GOLT1B: variants seen among roughly 807,000 people sequenced by gnomAD.
GOLT1B encodes vesicle transport protein GOT1B.
In GOLT1B, 3 loss-of-function variants were observed where a neutral mutation model predicts 15.4. The ratio of observed to expected loss-of-function variants is 0.19; its 90% CI spans 0.09 to 0.50. The LOEUF (loss-of-function observed/expected upper bound fraction) is 0.50, where lower values mean the gene tolerates loss of function less well. Ranked by LOEUF, GOLT1B falls within the 20% of genes least tolerant of loss-of-function variation. GOLT1B has a pLI of 0.97. For missense variants in GOLT1B, 145 were observed against 160.4 expected, an observed-to-expected ratio of 0.90 and a Z score of 0.52; for synonymous variants, 65 against 56.2, an observed-to-expected ratio of 1.16 and a Z score of -0.70.
Position 21,506,414 on chromosome 12 carries a change from A to G in GOLT1B, c.26-471A>G, listed in dbSNP as rs918150705. Among the ~76,000 whole-genome samples the G allele has an allele frequency of 5.9e-5, 9 of 152,040 alleles. No individual in the cohort carries two copies. In the South Asian group the frequency reaches 8.3e-4, roughly 14 times the overall value. The stretch of plus-strand genomic sequence containing the variant: ...AGGATATTGATTGTGCGGACCTACC[A>G]TAACATTTCTAATGCAGTAAAGAAG... On this transcript the variant is annotated intron_variant, in intron 1 of 4. Coordinates refer to ENST00000229314, the MANE Select transcript of GOLT1B (RefSeq NM_016072.5).
chr12:21,501,878 C>T lies in GOLT1B; in HGVS notation c.-46C>T, dbSNP rs376078240. Reference sequence around the variant, plus strand: ...ATTTCTCCCGACTCAGCTTCCCACCCTGGGCTTTCCGAGGTGCTGTCGCCG... The same window carrying T: ...ATTTCTCCCGACTCAGCTTCCCACCTTGGGCTTTCCGAGGTGCTGTCGCCG... On this transcript the variant is annotated 5_prime_UTR_variant, in exon 1 of 5. Transcript: ENST00000229314. 9 of 1,454,782 alleles carry T rather than the reference C, an allele frequency of 6.2e-6. No homozygotes were observed. Among genetic ancestry groups the T allele is most frequent in the Admixed American group, 3.4e-5 (2 of 59,374 alleles). 90.1% of individuals were successfully genotyped at this position (1,454,782 alleles called of 1,614,324 possible).
intron 1 of GOLT1B, among the ~76,000 whole-genome samples, chr12:21,506,649 G>T (rs370290936): frequency 6.4e-4 from 97 of 152,062 alleles, no homozygotes; most frequent in African/African-American, 2.3e-3. Context: ...TCTGAGAAAT[G>T]CTATCTCCCA....
rs569765543 is a variant in GOLT1B, at chr12:21,501,999, C to T, written c.25+51C>T. ...CCTCGAGCCGCGCACACCCATCGCCCGGCTGGGTCTCGCCCCTCCGCCGGG... is the reference window on the plus strand; with the variant it reads ...CCTCGAGCCGCGCACACCCATCGCCTGGCTGGGTCTCGCCCCTCCGCCGGG... On this transcript the variant is annotated intron_variant, in intron 1 of 4. Coordinates refer to ENST00000229314, the MANE Select transcript of GOLT1B (RefSeq NM_016072.5). 9.5e-6 allele frequency: 13 copies of T among 1,373,992 alleles called. No individual in the cohort carries two copies. The Admixed American group carries it at 1.3e-4, about 14-fold the overall frequency. The allele number at this position is 1,373,992 out of a possible 1,614,324, so 85.1% of individuals were successfully genotyped here. A position where few individuals can be genotyped will look rare whatever the true frequency, so the allele number is the denominator to read the frequency against.
chr12:21,502,783 C>T (rs1943645290), intron 1 of GOLT1B, among the ~76,000 whole-genome samples: 1 of 152,120 alleles, frequency 6.6e-6, no homozygotes, highest in South Asian at 2.1e-4. Flanking sequence ...TGCCCAAGCT[C>T]TGTACCTCAT....
chr12:21,517,876 GTTTC>G lies in GOLT1B; in HGVS notation c.*2178_*2181del, dbSNP rs1565584219. On this transcript the variant is annotated 3_prime_UTR_variant, in exon 5 of 5. Transcript: ENST00000229314. ...GATAGAAAGCACTATACATCCTATT[GTTTC>G]TTTCTTTCCAAAATCAGCCTTCTGT... 1.0e-4 allele frequency: 16 copies of G among 152,522 alleles called. No homozygotes were observed. The South Asian group carries it at 3.1e-3, about 30-fold the overall frequency. 9.4% of individuals were successfully genotyped at this position (152,522 alleles called of 1,614,324 possible).
intron 1 of GOLT1B, chr12:21,504,689 C>T: frequency 2.2e-6 from 1 of 458,450 alleles, no homozygotes; most frequent in Non-Finnish European, 4.4e-6. Context: ...ACATATGAAC[C>T]ATAGGACCAG....
rs1943747974 is a variant in GOLT1B, at chr12:21,515,293, GT to G, written c.379-374del. The G allele has an allele frequency of 4.1e-6, 5 of 1,219,838 alleles. No homozygotes were observed. In the East Asian group the frequency reaches 1.3e-4, roughly 31 times the overall value. The allele number at this position is 1,219,838 out of a possible 1,614,324, so 75.6% of individuals were successfully genotyped here. On this transcript the variant is annotated intron_variant, in intron 4 of 4. Transcript: ENST00000229314. ...ATGGTCAGTTGAAATATCTTATTGG[GT>G]TCATTAATGCATGAATGGCTGACAT...
At chr12:21,508,358 G>A (rs768853899) in intron 2 of GOLT1B, 25 bp from the exon 3 acceptor site, 19 of 1,401,370 alleles carry the variant, frequency 1.4e-5, no homozygotes, top group African/African-American at 4.4e-5. Flanking sequence ...TACCTTTTCC[G>A]TGTTGTATTT....
chr12:21,515,309 A>C, intron 4 of GOLT1B: 2 of 999,950 alleles, frequency 2.0e-6, no homozygotes, highest in Non-Finnish European at 1.5e-6. Flanking sequence ...TAATGCATGA[A>C]TGGCTGACAT....
At position 21,517,745 on chromosome 12, in the gene GOLT1B, A is replaced by G. The variant is rs1470376430; in HGVS notation, c.*2038A>G. ...AGGCTGGAGCAGTTTTCAGTTTTAA[A>G]TGAGTCTGCAGTTAATATCAAATGT... On this transcript the variant is annotated 3_prime_UTR_variant, in exon 5 of 5. Transcript: ENST00000229314. 1 of 152,390 alleles carries G rather than the reference A, an allele frequency of 6.6e-6. No individual in the cohort carries two copies. Among genetic ancestry groups the G allele is most frequent in the Non-Finnish European group, 1.5e-5 (1 of 67,952 alleles). The allele number at this position is 152,390 out of a possible 1,614,324, so 9.4% of individuals were successfully genotyped here.
chr12:21,508,523 C>T lies in GOLT1B; in HGVS notation c.258C>T (p.Gly86=). Residue 86 remains glycine (G), a synonymous_variant, in exon 3 of 5, where the codon GGC becomes GGT. Coordinates refer to ENST00000229314, the MANE Select transcript of GOLT1B (RefSeq NM_016072.5). ...TCCTTATTGGTTGGCCTTTGATAGG[C>T]ATGATCTTCGAAATTTATGGATTTT... The part of the protein sequence containing the change: ...FVVLIGWPLI[G]MIFEIYGFFL... The T allele has an allele frequency of 6.3e-7, 1 of 1,585,134 alleles. No homozygotes were observed. Among genetic ancestry groups the T allele is most frequent in the Non-Finnish European group, 8.6e-7 (1 of 1,156,512 alleles).
Position 21,508,522 on chromosome 12 carries a change from G to A in GOLT1B, c.257G>A (p.Gly86Asp). Reference protein sequence around the residue: ...FVVLIGWPLIGMIFEIYGFFL... With the variant: ...FVVLIGWPLIDMIFEIYGFFL... ...GTCCTTATTGGTTGGCCTTTGATAG[G>A]CATGATCTTCGAAATTTATGGATTT... The change falls in exon 3 of 5, where the codon GGC becomes GAC. Residue 86 changes from glycine to aspartate, a missense_variant. Coordinates refer to ENST00000229314, the MANE Select transcript of GOLT1B (RefSeq NM_016072.5). 6.3e-7 allele frequency: 1 copy of A among 1,586,558 alleles called. No homozygotes were observed. Among genetic ancestry groups the A allele is most frequent in the Non-Finnish European group, 8.6e-7 (1 of 1,158,098 alleles).
At position 21,516,627 on chromosome 12, in the gene GOLT1B, G is replaced by T. The variant is rs1289944915; in HGVS notation, c.*920G>T. On this transcript the variant is annotated 3_prime_UTR_variant, in exon 5 of 5. Transcript: ENST00000229314. The stretch of plus-strand genomic sequence containing the variant: ...TTCTTTTTTTTAAATTTTAGCAGTG[G>T]CTTATTATTTGTTTTTCATAAATTA... 2 of 151,478 alleles carry T rather than the reference G, an allele frequency of 1.3e-5. No individual in the cohort carries two copies. The highest frequency in any genetic ancestry group is 2.9e-5 in the Non-Finnish European group (2 of 67,802). 9.4% of individuals were successfully genotyped at this position (151,478 alleles called of 1,614,324 possible).
chr12:21,508,334 G>A (rs1943693973), intron 2 of GOLT1B, 49 bp from the exon 3 acceptor site: 5 of 1,060,374 alleles, frequency 4.7e-6, no homozygotes, highest in Non-Finnish European at 6.9e-6. Context: ...TAAAATTTAT[G>A]CATTGTGTTT....
At chr12:21,509,396 CAAAAAAAA>C (rs71053318) in intron 3 of GOLT1B, among the ~76,000 whole-genome samples, 3 of 74,040 alleles carry the variant, frequency 4.1e-5, no homozygotes, top group African/African-American at 1.7e-4. Flanking sequence ...GACTCTGTCT[CAAAAAAAA>C]AAAAAAAAAA....
At chr12:21,507,833 T>C in intron 2 of GOLT1B, 1 of 384,748 alleles carries the variant, frequency 2.6e-6, no homozygotes, top group African/African-American at 2.1e-5. Context: ...GTTGTATTTT[T>C]ATTTCTGCTG....
At position 21,508,529 on chromosome 12, in the gene GOLT1B, C is replaced by A; in HGVS notation, c.264C>A (p.Ile88=). ...VLIGWPLIGM[I]FEIYGFFLLF... ...TTGGTTGGCCTTTGATAGGCATGAT[C>A]TTCGAAATTTATGGATTTTTTCTCT... is the stretch of plus-strand genomic sequence containing the variant. Residue 88 remains isoleucine, a synonymous_variant, in exon 3 of 5, where the codon ATC becomes ATA. Transcript: ENST00000229314. 6.3e-7 allele frequency: 1 copy of A among 1,583,126 alleles called. No individual in the cohort carries two copies. The highest frequency in any genetic ancestry group is 8.7e-7 in the Non-Finnish European group (1 of 1,155,448).
At chr12:21,514,992 TAA>T (rs35343568) in intron 4 of GOLT1B, among the ~76,000 whole-genome samples, 377 of 142,786 alleles carry the variant, frequency 2.6e-3, no homozygotes, top group Non-Finnish European at 3.0e-3. Flanking sequence ...TCTGGAATGT[TAA>T]AAAAAAAAAA....
At chr12:21,512,028 A>G (rs1485495797) in intron 3 of GOLT1B, among the ~76,000 whole-genome samples, 1 of 152,174 alleles carries the variant, frequency 6.6e-6, no homozygotes, top group African/African-American at 2.4e-5. Flanking sequence ...TCTTTTTATC[A>G]GTTTCACCCC....
Sources: allele counts gnomAD v4.1 joint callset (sites outside exome capture counted in the v4.1 genomes callset), GRCh38; gene constraint gnomAD v4.1.1; transcripts MANE v1.5; gene names NCBI Gene and HGNC (gene_info 2026-07-23, HGNC 2026-07-21).